KHDRBS2: variants seen among roughly 807,000 people sequenced by gnomAD.
KHDRBS2 encodes KH RNA binding domain containing, signal transduction associated 2, also known as KH domain-containing, RNA-binding, signal transduction-associated protein 2.
In KHDRBS2, 26 loss-of-function variants were observed where a neutral mutation model predicts 44.3. The ratio of observed to expected loss-of-function variants is 0.59; its 90% CI spans 0.43 to 0.81. The LOEUF (loss-of-function observed/expected upper bound fraction) is 0.81, where lower values mean the gene tolerates loss of function less well. KHDRBS2 is among the 40% of genes least tolerant of loss of function. The probability of loss-of-function intolerance (pLI) is 0.00; values close to 1 mark genes in which losing one functional copy is unlikely to be tolerated. For synonymous variants in KHDRBS2, 194 were observed against 151.1 expected, an observed-to-expected ratio of 1.28 and a Z score of -2.08; for missense variants, 476 against 433.1, an observed-to-expected ratio of 1.10 and a Z score of -0.88.
At chr6:62,074,335 A>T (rs1211554127) in intron 2 of KHDRBS2, among the ~76,000 whole-genome samples, 1 of 151,872 alleles carries the variant, frequency 6.6e-6, no homozygotes, top group South Asian at 2.1e-4. Flanking sequence ...ACCCAGCACC[A>T]TTCCTGCATG....
rs796348943 is a variant in KHDRBS2, at chr6:62,128,219, TC to T, written c.219+48965del. ...TTCAGATCTTTACTCTTCCCTTTAC[TC>T]CCTATAGAATTATGGGCCTATGACT... On this transcript the variant is annotated intron_variant, in intron 2 of 8. Transcript: ENST00000281156. Among the ~76,000 whole-genome samples, 21 of 152,214 alleles carry T rather than the reference TC, an allele frequency of 1.4e-4. 1 individual carries two copies. Among genetic ancestry groups the T allele is most frequent in the African/African-American group, 5.1e-4 (21 of 41,570 alleles).
At chr6:62,130,507 G>C (rs550533132) in intron 2 of KHDRBS2, among the ~76,000 whole-genome samples, 12 of 152,142 alleles carry the variant, frequency 7.9e-5, no homozygotes, top group Admixed American at 2.6e-4. Flanking sequence ...TAATAGGGAA[G>C]ATAACAATTG....
At chr6:61,723,444 AAAG>A (rs1368858861) in intron 7 of KHDRBS2, among the ~76,000 whole-genome samples, 2 of 152,144 alleles carry the variant, frequency 1.3e-5, no homozygotes, top group Non-Finnish European at 2.9e-5. Context: ...TTGCTAAGCT[AAAG>A]GAGCAAGCTG....
intron 2 of KHDRBS2, among the ~76,000 whole-genome samples, chr6:62,076,309 C>A (rs1343113360): frequency 6.6e-6 from 1 of 151,944 alleles, no homozygotes; most frequent in Non-Finnish European, 1.5e-5. Context: ...CTCATCTTAA[C>A]AGAGCTATGA....
intron 1 of KHDRBS2, among the ~76,000 whole-genome samples, chr6:62,280,725 A>T (rs189900672): frequency 6.6e-6 from 1 of 152,240 alleles, no homozygotes; most frequent in Non-Finnish European, 1.5e-5. Flanking sequence ...TATTTCTTCA[A>T]ATTATTCACA....
chr6:62,117,702 T>C (rs1323761426), intron 2 of KHDRBS2, among the ~76,000 whole-genome samples: 2 of 152,220 alleles, frequency 1.3e-5, no homozygotes, highest in East Asian at 3.9e-4. Flanking sequence ...CCTGAGGTGT[T>C]TTTCCAATAT....
At chr6:62,068,196 T>C (rs1309542220) in intron 2 of KHDRBS2, among the ~76,000 whole-genome samples, 1 of 151,572 alleles carries the variant, frequency 6.6e-6, no homozygotes, top group Non-Finnish European at 1.5e-5. Context: ...CGGTCAACAC[T>C]TGTAATTGTT....
rs1562339447 is a variant in KHDRBS2 at position 61,869,977 on chromosome 6, T to TGTTTGTTTG, written c.810+24657_810+24658insCAAACAAAC. ...AGCTGCAGGAGTGTTTTTTTTTTTTTTTTTTTTTTTCCCCATACTACAGTG... is the reference window on the plus strand; with the variant it reads ...AGCTGCAGGAGTGTTTTTTTTTTTTTGTTTGTTTGTTTTTTTTTTCCCCATACTACAGTG... On this transcript the variant is annotated intron_variant, in intron 6 of 8. Coordinates refer to ENST00000281156, the MANE Select transcript of KHDRBS2 (RefSeq NM_152688.4). Among the ~76,000 whole-genome samples, 192 of 149,984 alleles carry TGTTTGTTTG rather than the reference T, an allele frequency of 1.3e-3. 2 individuals carry two copies. Among genetic ancestry groups the TGTTTGTTTG allele is most frequent in the East Asian group, 5.9e-3 (30 of 5,068 alleles).
chr6:61,619,932 CAA>C, the KHDRBS2 span, among the ~76,000 whole-genome samples: 1 of 152,064 alleles, frequency 6.6e-6, no homozygotes, highest in Non-Finnish European at 1.5e-5. Context: ...AAATTTTAAT[CAA>C]AGTCTGTTAT....
chr6:61,864,751 C>G (rs1199446912), intron 6 of KHDRBS2, among the ~76,000 whole-genome samples: 1 of 152,134 alleles, frequency 6.6e-6, no homozygotes, highest in Non-Finnish European at 1.5e-5. Context: ...TGGGGATGAT[C>G]TTCTCATGGA....
intron 1 of KHDRBS2, among the ~76,000 whole-genome samples, chr6:62,222,316 C>T (rs1306073250): frequency 6.6e-6 from 1 of 151,960 alleles, no homozygotes; most frequent in Non-Finnish European, 1.5e-5. Context: ...TAAAGACATA[C>T]CCAAGACTGG....
At chr6:62,274,677 G>A in intron 1 of KHDRBS2, among the ~76,000 whole-genome samples, 1 of 151,844 alleles carries the variant, frequency 6.6e-6, no homozygotes, top group East Asian at 1.9e-4. Flanking sequence ...CAACTAATAT[G>A]CCCCTTCCTA....
intron 3 of KHDRBS2, among the ~76,000 whole-genome samples, chr6:62,025,781 C>T (rs1183983258): frequency 6.6e-6 from 1 of 151,972 alleles, no homozygotes; most frequent in East Asian, 1.9e-4. Flanking sequence ...AGAAGACACC[C>T]AGACATTTTT....
chr6:62,155,231 C>T (rs1337866432), intron 2 of KHDRBS2, among the ~76,000 whole-genome samples: 1 of 151,988 alleles, frequency 6.6e-6, no homozygotes, highest in Non-Finnish European at 1.5e-5. Flanking sequence ...AAAGATGACA[C>T]CCAATTCTGA....
At chr6:61,839,292 T>C (rs1480624050) in intron 6 of KHDRBS2, among the ~76,000 whole-genome samples, 3 of 152,110 alleles carry the variant, frequency 2.0e-5, no homozygotes, top group Admixed American at 2.0e-4. Context: ...ATCATTTCTC[T>C]ATCTCCCCAC....
intron 7 of KHDRBS2, among the ~76,000 whole-genome samples, chr6:61,709,053 T>C (rs974521947): frequency 1.3e-5 from 2 of 151,716 alleles, no homozygotes; most frequent in African/African-American, 4.8e-5. Context: ...ACTTGAAGTA[T>C]CAATGAGATA....
At chr6:62,019,500 G>T (rs1781854641) in intron 3 of KHDRBS2, among the ~76,000 whole-genome samples, 2 of 151,986 alleles carry the variant, frequency 1.3e-5, no homozygotes, top group Non-Finnish European at 2.9e-5. Flanking sequence ...TTAATATTCT[G>T]GTATATCTTG....
intron 6 of KHDRBS2, among the ~76,000 whole-genome samples, chr6:61,796,987 C>A (rs539245447): frequency 6.6e-6 from 1 of 152,186 alleles, no homozygotes; most frequent in African/African-American, 2.4e-5. Flanking sequence ...ACAAATATCA[C>A]TTCAATTTTC....
intron 6 of KHDRBS2, among the ~76,000 whole-genome samples, chr6:61,860,135 A>C (rs1796711358): frequency 6.6e-6 from 1 of 152,040 alleles, no homozygotes; most frequent in Non-Finnish European, 1.5e-5. Context: ...AATCCAAAGT[A>C]GAATAAGTAA....
Sources: gnomAD v4.1 joint callset for allele counts (sites outside exome capture counted in the v4.1 genomes callset) on GRCh38, gnomAD v4.1.1 for gene constraint, MANE v1.5 for transcripts, NCBI Gene and HGNC (gene_info 2026-07-23, HGNC 2026-07-21) for gene names.